Variants in ZNF804B observed in about 807,000 individuals in gnomAD.
ZNF804B encodes the protein zinc finger protein 804B.
Under a neutral mutation model 101.4 loss-of-function variants are expected in ZNF804B, and 80 were observed. That is an observed-to-expected ratio of 0.79 (90% CI 0.66 to 0.95). The LOEUF (loss-of-function observed/expected upper bound fraction) is 0.95, where lower values mean the gene tolerates loss of function less well. ZNF804B is among the 40% of genes least tolerant of loss of function. The pLI, the probability that ZNF804B is intolerant of heterozygous loss-of-function variation, is 0.00. For missense variants in ZNF804B, 1,673 were observed against 1,561.9 expected, an observed-to-expected ratio of 1.07 and a Z score of -1.20; for synonymous variants, 622 against 558.8, an observed-to-expected ratio of 1.11 and a Z score of -1.59.
intron 1 of ZNF804B, among the ~76,000 whole-genome samples, chr7:89,056,152 T>G (rs532429204): frequency 6.6e-6 from 1 of 152,188 alleles, no homozygotes; most frequent in South Asian, 2.1e-4. Flanking sequence ...CTTTGGGATA[T>G]TGCTTTTTGA....
intron 1 of ZNF804B, among the ~76,000 whole-genome samples, chr7:88,982,831 T>G (rs1269828840): frequency 2.6e-5 from 4 of 151,978 alleles, no homozygotes; most frequent in Admixed American, 1.3e-4. Flanking sequence ...CCAGAGTGAC[T>G]CACCTTCATC....
intron 1 of ZNF804B, among the ~76,000 whole-genome samples, chr7:89,080,205 A>G (rs1024094357): frequency 3.3e-5 from 5 of 151,846 alleles, no homozygotes; most frequent in African/African-American, 1.2e-4. Flanking sequence ...AGAAACCTCA[A>G]TCAAATCCTA....
chr7:89,022,356 A>G (rs2116216830), intron 1 of ZNF804B, among the ~76,000 whole-genome samples: 1 of 152,306 alleles, frequency 6.6e-6, no homozygotes, highest in South Asian at 2.1e-4. Flanking sequence ...GTATGTTTTA[A>G]ATAGTTTATA....
At chr7:88,971,500 G>A (rs1334432621) in intron 1 of ZNF804B, among the ~76,000 whole-genome samples, 1 of 151,498 alleles carries the variant, frequency 6.6e-6, no homozygotes, top group African/African-American at 2.4e-5. Flanking sequence ...GAGTACTGTG[G>A]AAGTCATACT....
chr7:89,192,384 T>C (rs933029994), intron 1 of ZNF804B, among the ~76,000 whole-genome samples: 1 of 151,748 alleles, frequency 6.6e-6, no homozygotes, highest in African/African-American at 2.4e-5. Context: ...TAAAAAACGG[T>C]GGTATGTCCA....
intron 1 of ZNF804B, among the ~76,000 whole-genome samples, chr7:89,182,811 C>T (rs926662203): frequency 6.6e-6 from 1 of 152,132 alleles, no homozygotes; most frequent in Admixed American, 6.5e-5. Flanking sequence ...ACTTTGGTTA[C>T]ATCTAGAGTT....
intron 1 of ZNF804B, among the ~76,000 whole-genome samples, chr7:88,879,895 C>T (rs1216336740): frequency 1.3e-5 from 2 of 151,850 alleles, no homozygotes; most frequent in Non-Finnish European, 2.9e-5. Flanking sequence ...AAAAATTAGT[C>T]GGGTGTAGTG....
chr7:89,335,319 A>G lies in ZNF804B; in HGVS notation c.2337A>G (p.Pro779=). 1 of 1,613,790 alleles carries G rather than the reference A, an allele frequency of 6.2e-7. No homozygotes were observed. The change falls in exon 4 of 4, where the codon CCA becomes CCG. Residue 779 remains proline (P), a synonymous_variant. Coordinates refer to ENST00000333190, the MANE Select transcript of ZNF804B (RefSeq NM_181646.5). ...ITKSSQMQSE[P]QKERNCKLWE... The stretch of plus-strand genomic sequence containing the variant: ...AGAGCAGCCAAATGCAGTCTGAACC[A>G]CAGAAAGAGAGGAACTGCAAATTGT...
At chr7:88,794,624 GA>G (rs1449975347) in intron 1 of ZNF804B, 1 of 1,613,672 alleles carries the variant, frequency 6.2e-7, no homozygotes. Context: ...ACTTTGTAGA[GA>G]GTGTCGCTGG....
intron 1 of ZNF804B, among the ~76,000 whole-genome samples, chr7:88,766,756 A>G (rs1443516573): frequency 6.6e-6 from 1 of 152,194 alleles, no homozygotes; most frequent in Non-Finnish European, 1.5e-5. Flanking sequence ...TGTGAAAACA[A>G]GTTGGGTTGT....
chr7:88,863,435 T>C (rs1791679870), intron 1 of ZNF804B, among the ~76,000 whole-genome samples: 2 of 152,226 alleles, frequency 1.3e-5, no homozygotes, highest in South Asian at 4.1e-4. Context: ...ATTGAACATT[T>C]ACTATGTTCC....
chr7:89,044,271 A>T (rs887812185), intron 1 of ZNF804B, among the ~76,000 whole-genome samples: 2 of 152,168 alleles, frequency 1.3e-5, no homozygotes, highest in Non-Finnish European at 2.9e-5. Context: ...CCCTTTCGCC[A>T]TGATTGTAAG....
chr7:89,065,616 C>G (rs1789445541), intron 1 of ZNF804B, among the ~76,000 whole-genome samples: 1 of 152,120 alleles, frequency 6.6e-6, no homozygotes, highest in Non-Finnish European at 1.5e-5. Flanking sequence ...AATTTATTCT[C>G]TTATAGATCT....
intron 1 of ZNF804B, among the ~76,000 whole-genome samples, chr7:89,097,796 A>T (rs1789990807): frequency 6.6e-6 from 1 of 152,278 alleles, no homozygotes; most frequent in East Asian, 1.9e-4. Context: ...AAGCCCACAA[A>T]GATGCAAACT....
rs190417170 is a variant in ZNF804B at position 88,833,019 on chromosome 7, G to A, written c.108+72935G>A. Among the ~76,000 whole-genome samples the A allele has an allele frequency of 1.6e-3, 245 of 151,916 alleles. 2 individuals are homozygous for A. Among genetic ancestry groups the A allele is most frequent in the African/African-American group, 5.4e-3 (222 of 41,470 alleles). ...TGAGGCCAGGGCAGTTTGAATGGTCGTCTTCATGCTAAAATCTGATTGTTT... is the reference window on the plus strand; with the variant it reads ...TGAGGCCAGGGCAGTTTGAATGGTCATCTTCATGCTAAAATCTGATTGTTT... On this transcript the variant is annotated intron_variant, in intron 1 of 3. Transcript: ENST00000333190.
intron 1 of ZNF804B, among the ~76,000 whole-genome samples, chr7:89,145,417 A>G (rs1307746443): frequency 5.9e-5 from 9 of 152,018 alleles, no homozygotes; most frequent in Non-Finnish European, 2.9e-5. Flanking sequence ...GAGATATTTT[A>G]AACATGAGGT....
intron 1 of ZNF804B, among the ~76,000 whole-genome samples, chr7:89,066,098 T>C (rs955184784): frequency 1.3e-5 from 2 of 152,172 alleles, no homozygotes; most frequent in Non-Finnish European, 2.9e-5. Context: ...TAACTTCTGA[T>C]GTCACACTTT....
At chr7:88,870,157 C>T (rs572000808) in intron 1 of ZNF804B, among the ~76,000 whole-genome samples, 43 of 151,102 alleles carry the variant, frequency 2.8e-4, no homozygotes, top group African/African-American at 8.0e-4. Context: ...GAGGCCGAGA[C>T]GGGCGGATCA....
At chr7:89,067,826 TTC>T (rs1299202900) in intron 1 of ZNF804B, among the ~76,000 whole-genome samples, 7 of 117,316 alleles carry the variant, frequency 6.0e-5, no homozygotes, top group Middle Eastern at 3.8e-3. Context: ...TTCTTTTCTT[TTC>T]TTTTTTTTTT....
Sources: allele counts gnomAD v4.1 joint callset (sites outside exome capture counted in the v4.1 genomes callset), GRCh38; gene constraint gnomAD v4.1.1; transcripts MANE v1.5; gene names NCBI Gene and HGNC (gene_info 2026-07-23, HGNC 2026-07-21).